ARID1A: variants seen among roughly 807,000 people sequenced by gnomAD.
The protein encoded by ARID1A is AT-rich interaction domain 1A.
Under a neutral mutation model 212.6 loss-of-function variants are expected in ARID1A, and 20 were observed. That is an observed-to-expected ratio of 0.09 (90% CI 0.07 to 0.14). The LOEUF is 0.14. ARID1A is among the 10% of genes least tolerant of loss of function. The pLI is 1.00. For missense variants in ARID1A, 2,587 were observed against 3,059.0 expected (o/e 0.85, Z 3.64); for synonymous variants, 1,376 against 1,222.1 (o/e 1.13, Z -2.63).
chr1:26,711,024 C>G (rs890440279), intron 1 of ARID1A, among the ~76,000 whole-genome samples: 2 of 152,022 alleles, frequency 1.3e-5, no homozygotes, highest in African/African-American at 2.4e-5. Flanking sequence ...TGGTGACAGT[C>G]ATTTTCCTGG....
Position 26,780,981 on chromosome 1 carries a change from T to G in ARID1A, c.*225T>G. 1.9e-6 allele frequency: 1 copy of G among 514,688 alleles called. No individual in the cohort carries two copies. Among genetic ancestry groups the G allele is most frequent in the Non-Finnish European group, 3.3e-6 (1 of 304,978 alleles). 31.9% of individuals were successfully genotyped at this position (514,688 alleles called of 1,614,324 possible). ...GTTCCTTGTCCTCACCTTACTCCCC[T>G]CAGGACCCTACCCCACCCTCTTTGA... On this transcript the variant is annotated 3_prime_UTR_variant, in exon 20 of 20. Transcript: ENST00000324856. This position sits in a 1 kb window ranked among gnomAD's most constrained non-coding sequence, Gnocchi z 7.2.
intron 19 of ARID1A, 97 bp downstream of exon 19, chr1:26,775,804 TTCTC>T: frequency 6.4e-7 from 1 of 1,561,570 alleles, no homozygotes; most frequent in Non-Finnish European, 8.8e-7. Context: ...GTCTTTCTCT[TTCTC>T]TCTTGTAGAT....
intron 4 of ARID1A, among the ~76,000 whole-genome samples, chr1:26,752,170 G>A (rs1169210609): frequency 6.6e-6 from 1 of 152,156 alleles, no homozygotes; most frequent in Non-Finnish European, 1.5e-5. Context: ...CCGTTCCTTA[G>A]TACCTGCTTA....
At chr1:26,717,628 T>C (rs1239319980) in intron 1 of ARID1A, among the ~76,000 whole-genome samples, 1 of 152,200 alleles carries the variant, frequency 6.6e-6, no homozygotes, top group African/African-American at 2.4e-5. Flanking sequence ...TGATGATAGC[T>C]GCCATTCTGG....
intron 19 of ARID1A, among the ~76,000 whole-genome samples, chr1:26,776,715 A>G (rs992826491): frequency 5.9e-5 from 9 of 152,176 alleles, no homozygotes; most frequent in African/African-American, 1.9e-4. Flanking sequence ...CCTGTATATC[A>G]AGGAGCTGAC....
chr1:26,710,494 T>TACATACACACACAC (rs113290668), intron 1 of ARID1A, among the ~76,000 whole-genome samples: 1 of 131,426 alleles, frequency 7.6e-6, no homozygotes, highest in African/African-American at 3.1e-5. Context: ...AAATAATACA[T>TACATACACACACAC]ACACACACAC....
At chr1:26,726,024 T>G (rs2080613639) in intron 1 of ARID1A, among the ~76,000 whole-genome samples, 1 of 151,732 alleles carries the variant, frequency 6.6e-6, no homozygotes, top group Non-Finnish European at 1.5e-5. Context: ...TCCGGCTAAT[T>G]TTTGTATTTT....
chr1:26,777,304 T>C (rs925762288), intron 19 of ARID1A, among the ~76,000 whole-genome samples: 1 of 152,082 alleles, frequency 6.6e-6, no homozygotes, highest in Non-Finnish European at 1.5e-5. Flanking sequence ...CACTGCAGTC[T>C]CAACTTCCGA....
chr1:26,738,215 G>A (rs990765996), intron 4 of ARID1A, among the ~76,000 whole-genome samples: 1 of 151,972 alleles, frequency 6.6e-6, no homozygotes, highest in Non-Finnish European at 1.5e-5. Context: ...ATAGAGACGA[G>A]GTTTCACTAT....
In ARID1A at chr1:26,780,777, C is replaced by A. The variant is rs377624643; in HGVS notation, c.*21C>A. On this transcript the variant is annotated 3_prime_UTR_variant, in exon 20 of 20. Coordinates refer to ENST00000324856, the MANE Select transcript of ARID1A (RefSeq NM_006015.6). The surrounding 1 kb of genome is among the most constrained non-coding windows in gnomAD (Gnocchi z 7.2). ...CATGACAGCCGTGGGACACCTCCCC[C>A]CCCCGTGTGTGTGTGCGTGTGTGGA... The A allele has an allele frequency of 2.0e-5, 31 of 1,543,698 alleles. No individual in the cohort carries two copies. In the East Asian group the frequency reaches 2.7e-4, roughly 14 times the overall value.
At position 26,771,068 on chromosome 1, in the gene ARID1A, A is replaced by T. The variant is rs760946761; in HGVS notation, c.3199-51A>T. 6.4e-7 allele frequency: 1 copy of T among 1,568,122 alleles called. No individual in the cohort carries two copies. Among genetic ancestry groups the T allele is most frequent in the South Asian group, 1.1e-5 (1 of 89,922 alleles). On this transcript the variant is annotated intron_variant, in intron 11 of 19. Transcript: ENST00000324856. The surrounding 1 kb of genome is among the most constrained non-coding windows in gnomAD (Gnocchi z 5.4). Reference sequence around the variant, plus strand: ...CTGATGGGGCTTGGGGCTTATGGGCAGGAAAACCAGGCGGGAGATATACCT... The same window carrying T: ...CTGATGGGGCTTGGGGCTTATGGGCTGGAAAACCAGGCGGGAGATATACCT...
rs762082157 is a variant in ARID1A at position 26,762,314 on chromosome 1, C to T, written c.2414C>T (p.Pro805Leu). Residue 805 changes from proline to leucine, a missense_variant, in exon 7 of 20, where the codon CCA becomes CTA. By Grantham distance (98) the Pro-to-Leu change is moderately conservative. This residue lies in a region of ARID1A where 674 missense variants were observed against 813.4 expected (regional missense o/e 0.83). Transcript: ENST00000324856. ...SYGPQGGQYG[P>L]QGGYPRQPNY... is the part of the protein sequence containing the mutation. ...GGTCCCCAGGGGGGTCAGTATGGCC[C>T]ACAAGGTCAGTATACTACCCAGTTA... 2 of 1,613,900 alleles carry T rather than the reference C, an allele frequency of 1.2e-6. No homozygotes were observed. The highest frequency in any genetic ancestry group is 1.1e-5 in the South Asian group (1 of 91,070).
intron 1 of ARID1A, among the ~76,000 whole-genome samples, chr1:26,713,361 A>ATTT (rs200403424): frequency 1.1e-4 from 15 of 138,014 alleles, no homozygotes; most frequent in African/African-American, 4.0e-4. Context: ...GTGAAGATTG[A>ATTT]TTTTTTTTTT....
rs575243862 is a variant in ARID1A at position 26,697,227 on chromosome 1, G to T, written c.824G>T (p.Gly275Val). The change falls in exon 1 of 20, where the codon GGG becomes GTG. Residue 275 changes from glycine to valine, a missense_variant. Gly to Val is a moderately radical substitution (Grantham distance 109). Around this residue, in one of 11 missense-constraint regions of ARID1A, gnomAD observed 735 missense variants for 590.6 expected, o/e 1.24. Transcript: ENST00000324856. Reference sequence around the variant, plus strand: ...GCTCAGCAGCGCTTCGGGGCCATGGGGGGAGGCGGCCCCTCCGCGGCCGGC... The same window carrying T: ...GCTCAGCAGCGCTTCGGGGCCATGGTGGGAGGCGGCCCCTCCGCGGCCGGC... ...SFAQQRFGAM[G>V]GGGPSAAGGG... 11 of 1,378,924 alleles carry T rather than the reference G, an allele frequency of 8.0e-6. No homozygotes were observed. In the East Asian group the frequency reaches 2.4e-4, roughly 30 times the overall value. 85.4% of individuals were successfully genotyped at this position (1,378,924 alleles called of 1,614,324 possible).
At chr1:26,736,964 G>T (rs1222836616) in intron 4 of ARID1A, among the ~76,000 whole-genome samples, 1 of 149,440 alleles carries the variant, frequency 6.7e-6, no homozygotes, top group Non-Finnish European at 1.5e-5. Flanking sequence ...ATAAAGAACA[G>T]TTCAGTACCT....
chr1:26,756,406 A>G (rs952761580), intron 4 of ARID1A, among the ~76,000 whole-genome samples: 3 of 151,894 alleles, frequency 2.0e-5, no homozygotes, highest in Non-Finnish European at 4.4e-5. Context: ...AAATACAAAA[A>G]TTAACTGGGT....
At chr1:26,720,863 C>G (rs1158917200) in intron 1 of ARID1A, among the ~76,000 whole-genome samples, 1 of 151,248 alleles carries the variant, frequency 6.6e-6, no homozygotes, top group African/African-American at 2.4e-5. Context: ...ATTGAGACAC[C>G]CTGTCTCAAA....
rs767749016 is a variant in ARID1A at position 26,697,103 on chromosome 1, C to G, written c.700C>G (p.Pro234Ala). ...CGCCCCGGCCTACGCGCTGAGCTCC[C>G]CGAGAGGTGGCACTCCGGGCTCCGG... The part of the protein sequence containing the change: ...PPAPAYALSS[P>A]RGGTPGSGAA... Residue 234 changes from proline to alanine, a missense_variant, in exon 1 of 20, where the codon CCG becomes GCG. Physicochemically the swap from Pro to Ala is conservative, Grantham distance 27. Coordinates refer to ENST00000324856, the MANE Select transcript of ARID1A (RefSeq NM_006015.6). The G allele has an allele frequency of 3.5e-5, 51 of 1,464,962 alleles. No individual in the cohort carries two copies. The highest frequency in any genetic ancestry group is 4.5e-5 in the Non-Finnish European group (50 of 1,112,836). The allele number at this position is 1,464,962 out of a possible 1,614,324, so 90.7% of individuals were successfully genotyped here. A position where few individuals can be genotyped will look rare whatever the true frequency, so the allele number is the denominator to read the frequency against.
In ARID1A at chr1:26,771,783, G is replaced by GA. The variant is rs1257228304; in HGVS notation, c.3406+457_3406+458insA. 5.4e-6 allele frequency: 1 copy of GA among 184,414 alleles called. No homozygotes were observed. Among genetic ancestry groups the GA allele is most frequent in the Non-Finnish European group, 1.1e-5 (1 of 87,660 alleles). The allele number at this position is 184,414 out of a possible 1,614,324, so 11.4% of individuals were successfully genotyped here. On this transcript the variant is annotated intron_variant, in intron 12 of 19. Transcript: ENST00000324856. The surrounding 1 kb of genome is among the most constrained non-coding windows in gnomAD (Gnocchi z 5.4). ...ATGAATGGAACTCCCTGATGGGAGT[G>GA]GCTCTGCTCACCCTCCTTTCTGAGA...
Sources: allele counts gnomAD v4.1 joint callset (sites outside exome capture counted in the v4.1 genomes callset), GRCh38; gene constraint gnomAD v4.1.1; regional missense constraint gnomAD v4.1.1; non-coding constraint Gnocchi (gnomAD v3.1); transcripts MANE v1.5; gene names NCBI Gene and HGNC (gene_info 2026-07-23, HGNC 2026-07-21).